CAMTA1: variants seen among roughly 807,000 people sequenced by gnomAD.
The protein encoded by CAMTA1 is calmodulin binding transcription activator 1.
CAMTA1 carries 27 observed loss-of-function variants against 170.9 expected under a neutral mutation model. The ratio of observed to expected loss-of-function variants is 0.16; its 90% CI spans 0.12 to 0.22. The LOEUF is 0.22. Among genes scored for constraint, CAMTA1 ranks in the 10% least tolerant of loss-of-function variants. The probability of loss-of-function intolerance (pLI) is 1.00; values close to 1 mark genes in which losing one functional copy is unlikely to be tolerated. For synonymous variants in CAMTA1, 833 were observed against 891.5 expected (o/e 0.93, Z 1.17); for missense variants, 1,619 against 2,217.2 (o/e 0.73, Z 5.42).
At chr1:7,125,532 G>A (rs983164155) in intron 4 of CAMTA1, among the ~76,000 whole-genome samples, 7 of 152,276 alleles carry the variant, frequency 4.6e-5, no homozygotes, top group Middle Eastern at 3.4e-3. Flanking sequence ...AGGCACCTAC[G>A]GAAACACTTC....
At chr1:6,842,393 C>G (rs369734780) in intron 3 of CAMTA1, among the ~76,000 whole-genome samples, 5 of 152,298 alleles carry the variant, frequency 3.3e-5, no homozygotes, top group African/African-American at 1.2e-4. Flanking sequence ...ATGGGTGGTT[C>G]GCAGCCCTGC....
intron 6 of CAMTA1, among the ~76,000 whole-genome samples, chr1:7,600,229 G>A (rs1293937305): frequency 2.0e-5 from 3 of 152,186 alleles, no homozygotes; most frequent in Non-Finnish European, 4.4e-5. Flanking sequence ...TTCTGTTTAT[G>A]TGCTGGATTA....
In CAMTA1 at chr1:7,644,854, G is replaced by C. The variant is rs532589685; in HGVS notation, c.664+4301G>C. Among the ~76,000 whole-genome samples the C allele has an allele frequency of 3.9e-5, 6 of 152,366 alleles. No homozygotes were observed. The East Asian group carries it at 1.2e-3, about 29-fold the overall frequency. ...TTCTGCATGTGAATCATTCAGGGCT[G>C]AGTAGAGCTGTGCTTAGCCTGGGGT... is the stretch of plus-strand genomic sequence containing the variant. On this transcript the variant is annotated intron_variant, in intron 7 of 22. Coordinates refer to ENST00000303635, the MANE Select transcript of CAMTA1 (RefSeq NM_015215.4).
intron 3 of CAMTA1, among the ~76,000 whole-genome samples, chr1:6,899,995 C>T (rs991762411): frequency 3.9e-5 from 6 of 152,208 alleles, no homozygotes; most frequent in Admixed American, 6.5e-5. Flanking sequence ...GAGACCTTTT[C>T]GTGTGTCTCT....
chr1:6,893,007 G>A (rs1484052871), intron 3 of CAMTA1, among the ~76,000 whole-genome samples: 2 of 151,802 alleles, frequency 1.3e-5, no homozygotes, highest in Non-Finnish European at 2.9e-5. Flanking sequence ...GTGGCCGGGC[G>A]CGGTGGCTCA....
At chr1:6,807,898 C>G (rs1414408974) in intron 1 of CAMTA1, among the ~76,000 whole-genome samples, 1 of 151,796 alleles carries the variant, frequency 6.6e-6, no homozygotes, top group African/African-American at 2.4e-5. Flanking sequence ...TGACAGAAGT[C>G]TGTAGGGAAG....
chr1:7,655,126 C>CA lies in CAMTA1; in HGVS notation c.665-6600_665-6599insA, dbSNP rs2095880918. On this transcript the variant is annotated intron_variant, in intron 7 of 22. Transcript: ENST00000303635. ...CCTATACACACACCTATACACACAC[C>CA]TCTATACACACAAACCCACCTATAC... 4.9e-5 allele frequency among the ~76,000 whole-genome samples: 3 copies of CA among 61,222 alleles called. 1 individual carries two copies. Among genetic ancestry groups the CA allele is most frequent in the Non-Finnish European group, 9.1e-5 (3 of 32,918 alleles). 40.2% of individuals were successfully genotyped at this position (61,222 alleles called of 152,430 possible).
At chr1:7,265,105 G>C (rs543038108) in intron 5 of CAMTA1, among the ~76,000 whole-genome samples, 6 of 152,146 alleles carry the variant, frequency 3.9e-5, no homozygotes, top group East Asian at 3.9e-4. Flanking sequence ...AGGCAGCCTC[G>C]AGTTAGATGT....
chr1:7,029,272 C>T lies in CAMTA1; in HGVS notation c.235-62032C>T, dbSNP rs944312206. On this transcript the variant is annotated intron_variant, in intron 3 of 22. Coordinates refer to ENST00000303635, the MANE Select transcript of CAMTA1 (RefSeq NM_015215.4). ...ATCCCAGCACTTTGGGAGGCTGAGG[C>T]GGGTGGATCACAAGGTCAGGAGATC... Among the ~76,000 whole-genome samples, 23 of 151,954 alleles carry T rather than the reference C, an allele frequency of 1.5e-4. 1 individual carries two copies. The highest frequency in any genetic ancestry group is 5.3e-4 in the African/African-American group (22 of 41,440).
chr1:7,140,316 A>T (rs1430890443), intron 4 of CAMTA1, among the ~76,000 whole-genome samples: 1 of 152,192 alleles, frequency 6.6e-6, no homozygotes, highest in Non-Finnish European at 1.5e-5. Flanking sequence ...ATAGATTAAC[A>T]TGGCAACTTT....
intron 5 of CAMTA1, among the ~76,000 whole-genome samples, chr1:7,275,245 G>C (rs1191121791): frequency 6.6e-6 from 1 of 151,068 alleles, no homozygotes; most frequent in East Asian, 1.9e-4. Context: ...GCAGATATTA[G>C]AAGGAAATTT....
chr1:7,344,987 G>A (rs2084124215), intron 5 of CAMTA1, among the ~76,000 whole-genome samples: 2 of 151,944 alleles, frequency 1.3e-5, no homozygotes, highest in Admixed American at 6.6e-5. Flanking sequence ...TCCTGACCTC[G>A]TGATCCTCCT....
intron 6 of CAMTA1, among the ~76,000 whole-genome samples, chr1:7,527,869 C>T (rs989607094): frequency 1.3e-5 from 2 of 152,222 alleles, no homozygotes; most frequent in Non-Finnish European, 2.9e-5. Context: ...CACCCCAATC[C>T]CTGCCCTTTC....
At chr1:7,243,988 T>G (rs978543114) in intron 4 of CAMTA1, among the ~76,000 whole-genome samples, 1 of 152,100 alleles carries the variant, frequency 6.6e-6, no homozygotes, top group African/African-American at 2.4e-5. Context: ...TGCAATCTAC[T>G]CATCTGACAA....
intron 4 of CAMTA1, among the ~76,000 whole-genome samples, chr1:7,197,832 C>G (rs926543416): frequency 1.3e-5 from 2 of 152,074 alleles, no homozygotes; most frequent in Admixed American, 1.3e-4. Context: ...GTCTTCAAAT[C>G]CAGGTCATGC....
chr1:6,841,480 T>A (rs1244003562), intron 3 of CAMTA1, among the ~76,000 whole-genome samples: 2 of 152,080 alleles, frequency 1.3e-5, no homozygotes, highest in African/African-American at 4.8e-5. Flanking sequence ...AATGGGTGGT[T>A]CCAGTGGAGT....
intron 5 of CAMTA1, among the ~76,000 whole-genome samples, chr1:7,329,825 A>C (rs949019607): frequency 6.6e-6 from 1 of 152,238 alleles, no homozygotes; most frequent in African/African-American, 2.4e-5. Context: ...AATCCCATTT[A>C]ATGATGATTA....
At chr1:7,162,655 A>G (rs1488490538) in intron 4 of CAMTA1, among the ~76,000 whole-genome samples, 1 of 152,180 alleles carries the variant, frequency 6.6e-6, no homozygotes, top group Non-Finnish European at 1.5e-5. Flanking sequence ...GTTCCTTTCT[A>G]TGGCTGAGTA....
intron 3 of CAMTA1, among the ~76,000 whole-genome samples, chr1:7,015,373 T>A (rs1700381212): frequency 6.6e-6 from 1 of 152,188 alleles, no homozygotes; most frequent in Non-Finnish European, 1.5e-5. Context: ...TCACATTTTC[T>A]GGAATGTTCT....
Sources: gnomAD v4.1 joint callset for allele counts (sites outside exome capture counted in the v4.1 genomes callset) on GRCh38, gnomAD v4.1.1 for gene constraint, MANE v1.5 for transcripts, NCBI Gene and HGNC (gene_info 2026-07-23, HGNC 2026-07-21) for gene names.